The following TPH2 variants were observed in gnomAD, a reference collection of about 807,000 sequenced individuals.
TPH2 encodes the protein tryptophan hydroxylase 2.
In TPH2, 27 loss-of-function variants were observed where a neutral mutation model predicts 59.1. That is an observed-to-expected ratio of 0.46 (90% confidence interval 0.34 to 0.63). The LOEUF (loss-of-function observed/expected upper bound fraction) is 0.63, where lower values mean the gene tolerates loss of function less well. TPH2 is among the 30% of genes least tolerant of loss of function. TPH2 has a pLI of 0.01. For synonymous variants in TPH2, 220 were observed against 210.5 expected, an observed-to-expected ratio of 1.05 and a Z score of -0.39; for missense variants, 523 against 588.3, an observed-to-expected ratio of 0.89 and a Z score of 1.15.
intron 7 of TPH2, among the ~76,000 whole-genome samples, chr12:71,987,852 C>T (rs904746281): frequency 6.6e-6 from 1 of 151,920 alleles, no homozygotes; most frequent in African/African-American, 2.4e-5. Flanking sequence ...AACTCCATCT[C>T]AATAAAAGAA....
intron 5 of TPH2, among the ~76,000 whole-genome samples, chr12:71,957,111 C>T (rs1348772142): frequency 1.3e-5 from 2 of 152,066 alleles, no homozygotes; most frequent in Non-Finnish European, 2.9e-5. Context: ...TGGGCAGTGA[C>T]CTAGTCTCTC....
intron 6 of TPH2, among the ~76,000 whole-genome samples, chr12:71,977,564 A>G (rs544969275): frequency 6.6e-6 from 1 of 152,300 alleles, no homozygotes; most frequent in East Asian, 1.9e-4. Context: ...ATTACAGTAA[A>G]TCCTCACTTA....
intron 4 of TPH2, among the ~76,000 whole-genome samples, chr12:71,944,900 T>C (rs1871161451): frequency 6.6e-6 from 1 of 152,204 alleles, no homozygotes; most frequent in African/African-American, 2.4e-5. Context: ...TAGCATTTAT[T>C]TTTAAAAGGG....
At chr12:72,019,003 A>G (rs74918146) in intron 8 of TPH2, among the ~76,000 whole-genome samples, 79,808 of 151,738 alleles carry the variant, frequency 0.53, 22,275 homozygotes, top group Non-Finnish European at 0.64. Flanking sequence ...TGAACATCCC[A>G]GATACTTCCA....
chr12:72,005,841 T>C (rs1052859865), intron 8 of TPH2, among the ~76,000 whole-genome samples: 2 of 152,288 alleles, frequency 1.3e-5, no homozygotes, highest in Non-Finnish European at 2.9e-5. Flanking sequence ...TCCTCAATCT[T>C]CAAATTTTCC....
At chr12:72,013,294 A>G (rs375217704) in intron 8 of TPH2, among the ~76,000 whole-genome samples, 12 of 151,848 alleles carry the variant, frequency 7.9e-5, no homozygotes, top group African/African-American at 2.7e-4. Flanking sequence ...TCAAATCCCA[A>G]CTCTTCTCTT....
intron 8 of TPH2, among the ~76,000 whole-genome samples, chr12:72,006,761 C>A (rs1872963781): frequency 6.6e-6 from 1 of 152,128 alleles, no homozygotes; most frequent in South Asian, 2.1e-4. Flanking sequence ...AGATTAAGAT[C>A]TTTGTCAGTA....
intron 8 of TPH2, among the ~76,000 whole-genome samples, chr12:72,012,286 T>A (rs1022113823): frequency 2.0e-5 from 3 of 152,102 alleles, no homozygotes; most frequent in African/African-American, 7.2e-5. Context: ...AGACTGGCAG[T>A]TTCTGTGTGG....
At chr12:71,956,741 C>T (rs1029775044) in intron 5 of TPH2, among the ~76,000 whole-genome samples, 1 of 152,076 alleles carries the variant, frequency 6.6e-6, no homozygotes, top group African/African-American at 2.4e-5. Flanking sequence ...TCCCGAGTAG[C>T]TGGGACCACA....
At chr12:71,973,851 T>C (rs1872042614) in intron 6 of TPH2, among the ~76,000 whole-genome samples, 1 of 152,208 alleles carries the variant, frequency 6.6e-6, no homozygotes, top group Non-Finnish European at 1.5e-5. Context: ...TTGTACTTGT[T>C]GCTGATGTTA....
chr12:71,954,299 G>A (rs1357965649), intron 5 of TPH2, among the ~76,000 whole-genome samples: 2 of 152,076 alleles, frequency 1.3e-5, no homozygotes, highest in African/African-American at 4.8e-5. Context: ...CATGAGTGTG[G>A]GAAGGCCTAA....
intron 7 of TPH2, among the ~76,000 whole-genome samples, chr12:71,992,070 A>G (rs969417860): frequency 6.6e-5 from 10 of 152,172 alleles, no homozygotes; most frequent in African/African-American, 2.4e-4. Flanking sequence ...AATGCTCCTC[A>G]AGTGATTTGG....
chr12:72,022,265 T>A, intron 8 of TPH2, 134 bp from the exon 9 acceptor site: 1 of 706,642 alleles, frequency 1.4e-6, no homozygotes, highest in Non-Finnish European at 2.6e-6. Context: ...CAATAAATGT[T>A]CTTGATTTAA....
intron 9 of TPH2, 38 bp from the exon 10 acceptor site, chr12:72,031,220 A>T (rs775477508): frequency 9.9e-6 from 16 of 1,612,776 alleles, no homozygotes; most frequent in Non-Finnish European, 4.2e-6. Context: ...CGGAAGTCTC[A>T]TTACAGAGTT....
At chr12:72,009,766 C>T (rs191516000) in intron 8 of TPH2, among the ~76,000 whole-genome samples, 2 of 152,332 alleles carry the variant, frequency 1.3e-5, no homozygotes, top group Admixed American at 1.3e-4. Flanking sequence ...TGCAGGAAAG[C>T]TAGACAGACC....
At chr12:72,010,399 T>G (rs984917604) in intron 8 of TPH2, among the ~76,000 whole-genome samples, 1 of 152,182 alleles carries the variant, frequency 6.6e-6, no homozygotes, top group Non-Finnish European at 1.5e-5. Flanking sequence ...AGGTATATCT[T>G]TTCAGCCCCA....
rs937405002 is a variant in TPH2 at position 71,939,221 on chromosome 12, A to G, written c.105+130A>G. The G allele has an allele frequency of 4.0e-6, 3 of 745,262 alleles. No homozygotes were observed. The African/African-American group carries it at 5.2e-5, about 13-fold the overall frequency. The allele number at this position is 745,262 out of a possible 1,614,324, so 46.2% of individuals were successfully genotyped here. ...ATTTCTCCTTCTTTATAATCTGTCT[A>G]CCCTGCTTTCCTCCTGTCTGCCTCC... On this transcript the variant is annotated intron_variant, in intron 1 of 10. Coordinates refer to ENST00000333850, the MANE Select transcript of TPH2 (RefSeq NM_173353.4).
chr12:71,941,542 C>G (rs749795596), intron 1 of TPH2, 42 bp from the exon 2 acceptor site: 40 of 1,598,910 alleles, frequency 2.5e-5, no homozygotes, highest in Non-Finnish European at 2.0e-5. Flanking sequence ...TTCTGGAACC[C>G]TAACTAATAT....
At chr12:72,001,806 T>C (rs892570365) in intron 8 of TPH2, among the ~76,000 whole-genome samples, 1 of 152,186 alleles carries the variant, frequency 6.6e-6, no homozygotes, top group Non-Finnish European at 1.5e-5. Flanking sequence ...GTAAACCATT[T>C]TGTTAATTTA....
Sources: gnomAD v4.1 joint callset for allele counts (sites outside exome capture counted in the v4.1 genomes callset) on GRCh38, gnomAD v4.1.1 for gene constraint, MANE v1.5 for transcripts, NCBI Gene and HGNC (gene_info 2026-07-23, HGNC 2026-07-21) for gene names.